The following RSPO2 variants were observed in gnomAD, a reference collection of about 807,000 sequenced individuals.
The protein encoded by RSPO2 is R-spondin 2.
In RSPO2, 14 loss-of-function variants were observed where a neutral mutation model predicts 30.9. That is an observed-to-expected ratio of 0.45 (90% CI 0.30 to 0.71). The LOEUF is 0.71. Ranked by LOEUF, RSPO2 falls within the 30% of genes least tolerant of loss-of-function variation. The probability of loss-of-function intolerance (pLI) is 0.08; values close to 1 mark genes in which losing one functional copy is unlikely to be tolerated. For missense variants in RSPO2, 264 were observed against 301.9 expected, an observed-to-expected ratio of 0.87 and a Z score of 0.93; for synonymous variants, 107 against 96.4, an observed-to-expected ratio of 1.11 and a Z score of -0.64.
At chr8:107,954,605 T>TTTATTTA (rs559227021) in intron 5 of RSPO2, among the ~76,000 whole-genome samples, 40 of 39,806 alleles carry the variant, frequency 1.0e-3, no homozygotes, top group African/African-American at 1.4e-3. Context: ...TATTTATTTA[T>TTTATTTA]TTTATTTATT....
intron 2 of RSPO2, among the ~76,000 whole-genome samples, chr8:108,058,807 G>A (rs1038793200): frequency 6.6e-6 from 1 of 151,772 alleles, no homozygotes; most frequent in African/African-American, 2.4e-5. Context: ...GTAGAAAGCT[G>A]AAACCGGATC....
At chr8:107,961,020 CAA>C (rs995369268) in intron 3 of RSPO2, among the ~76,000 whole-genome samples, 3 of 152,076 alleles carry the variant, frequency 2.0e-5, no homozygotes, top group African/African-American at 7.2e-5. Flanking sequence ...ATCAAGAATC[CAA>C]GAGAGAATGC....
chr8:107,932,346 T>C (rs1300996849), intron 5 of RSPO2, among the ~76,000 whole-genome samples: 2 of 152,052 alleles, frequency 1.3e-5, no homozygotes, highest in Non-Finnish European at 2.9e-5. Flanking sequence ...TTCTAGGTTG[T>C]GGCTAAAGTG....
chr8:108,041,203 C>CAAA (rs55937336), intron 2 of RSPO2, among the ~76,000 whole-genome samples: 2,651 of 100,184 alleles, frequency 0.026, 62 homozygotes, highest in African/African-American at 0.066. Flanking sequence ...CAAAAAGTGG[C>CAAA]AAAAAAAAAA....
intron 2 of RSPO2, among the ~76,000 whole-genome samples, chr8:108,022,533 A>G (rs6992061): frequency 0.014 from 2,149 of 152,318 alleles, 48 homozygotes; most frequent in African/African-American, 0.048. Flanking sequence ...ATAACTATGG[A>G]AAGTGATGGC....
Position 108,022,940 on chromosome 8 carries a change from A to C in RSPO2, c.95-33696T>G, listed in dbSNP as rs567742441. 6.5e-4 allele frequency among the ~76,000 whole-genome samples: 98 copies of C among 151,146 alleles called. 1 individual carries two copies. The highest frequency in any genetic ancestry group is 2.3e-3 in the African/African-American group (93 of 40,944). Reference sequence around the variant, plus strand: ...AACTGTCAAAAAAAAAAACAAAAAAAAAAACCACACACACACTCACAGTAG... The same window carrying C: ...AACTGTCAAAAAAAAAAACAAAAAACAAAACCACACACACACTCACAGTAG... On this transcript the variant is annotated intron_variant, in intron 2 of 5. Coordinates refer to ENST00000276659, the MANE Select transcript of RSPO2 (RefSeq NM_178565.5).
At chr8:108,042,493 C>T (rs968001013) in intron 2 of RSPO2, among the ~76,000 whole-genome samples, 2 of 152,118 alleles carry the variant, frequency 1.3e-5, no homozygotes, top group African/African-American at 4.8e-5. Context: ...TTACCTGCAA[C>T]CCAAGTCTCA....
rs372352038 is a variant in RSPO2 at position 107,930,055 on chromosome 8, C to T, written c.616+28025G>A. Among the ~76,000 whole-genome samples, 5 of 152,262 alleles carry T rather than the reference C, an allele frequency of 3.3e-5. No individual in the cohort carries two copies. In the East Asian group the frequency reaches 5.8e-4, roughly 18 times the overall value. ...CATTAAGATCATTTTATCTATATTC[C>T]TTAGTGGACTGACATTATCAACATC... On this transcript the variant is annotated intron_variant, in intron 5 of 5. Coordinates refer to ENST00000276659, the MANE Select transcript of RSPO2 (RefSeq NM_178565.5).
chr8:108,060,695 T>C (rs982363534), intron 2 of RSPO2, among the ~76,000 whole-genome samples: 2 of 151,654 alleles, frequency 1.3e-5, no homozygotes, highest in African/African-American at 4.9e-5. Context: ...GCCACAAAGA[T>C]ACCCCTCGAG....
intron 2 of RSPO2, among the ~76,000 whole-genome samples, chr8:108,014,669 G>A (rs1810819626): frequency 1.3e-5 from 2 of 151,608 alleles, no homozygotes; most frequent in Non-Finnish European, 2.9e-5. Context: ...ACAGGGAGGG[G>A]AACATCACAC....
At chr8:108,048,128 G>GTTGGAAAA (rs879685211) in intron 2 of RSPO2, among the ~76,000 whole-genome samples, 2 of 151,950 alleles carry the variant, frequency 1.3e-5, no homozygotes, top group Admixed American at 1.3e-4. Context: ...CATTTAGCAG[G>GTTGGAAAA]TTGGAAAATT....
intron 5 of RSPO2, among the ~76,000 whole-genome samples, chr8:107,951,166 C>T (rs1278946922): frequency 6.6e-6 from 1 of 151,750 alleles, no homozygotes. Context: ...AGAGATTCTT[C>T]TGCCTCAGCC....
At chr8:107,980,644 A>G (rs1232458247) in intron 3 of RSPO2, among the ~76,000 whole-genome samples, 1 of 152,194 alleles carries the variant, frequency 6.6e-6, no homozygotes, top group East Asian at 1.9e-4. Flanking sequence ...CAGGTCTTCT[A>G]TCAGGTCTTG....
chr8:107,915,804 T>C (rs2130290476), intron 5 of RSPO2, among the ~76,000 whole-genome samples: 1 of 152,212 alleles, frequency 6.6e-6, no homozygotes, highest in Non-Finnish European at 1.5e-5. Context: ...GGATGAAAAA[T>C]GTTAATTTGG....
At chr8:108,047,856 GAAA>G (rs5893903) in intron 2 of RSPO2, among the ~76,000 whole-genome samples, 2 of 135,848 alleles carry the variant, frequency 1.5e-5, no homozygotes, top group East Asian at 2.2e-4. Flanking sequence ...GGCTCAGGGA[GAAA>G]AAAAAAAAAA....
chr8:107,999,160 T>C (rs1006176513), intron 2 of RSPO2, among the ~76,000 whole-genome samples: 2 of 152,144 alleles, frequency 1.3e-5, no homozygotes, highest in Non-Finnish European at 2.9e-5. Context: ...CCGAGAAGCA[T>C]TAACTTTGAG....
At chr8:107,976,917 T>C (rs1480945011) in intron 3 of RSPO2, among the ~76,000 whole-genome samples, 1 of 152,138 alleles carries the variant, frequency 6.6e-6, no homozygotes, top group South Asian at 2.1e-4. Context: ...AGTTCTAAGA[T>C]ACAAGACACA....
intron 3 of RSPO2, among the ~76,000 whole-genome samples, chr8:107,984,276 T>A (rs541127000): frequency 7.2e-5 from 11 of 152,356 alleles, no homozygotes; most frequent in Admixed American, 2.0e-4. Context: ...ATTTTTCTTA[T>A]CTTCAGGTTT....
chr8:107,959,884 G>A (rs1278246879), intron 4 of RSPO2, among the ~76,000 whole-genome samples: 8 of 152,114 alleles, frequency 5.3e-5, no homozygotes, highest in Admixed American at 5.2e-4. Context: ...ATAGAAAAAT[G>A]TCAACTTTTC....
Sources: gnomAD v4.1 joint callset for allele counts (sites outside exome capture counted in the v4.1 genomes callset) on GRCh38, gnomAD v4.1.1 for gene constraint, MANE v1.5 for transcripts, NCBI Gene and HGNC (gene_info 2026-07-23, HGNC 2026-07-21) for gene names.